Variants in IQCH observed in about 807,000 individuals in gnomAD.
The protein encoded by IQCH is IQ domain-containing protein H.
In IQCH, 98 loss-of-function variants were observed where a neutral mutation model predicts 117.0. The ratio of observed to expected loss-of-function variants is 0.84; its 90% confidence interval spans 0.71 to 0.99. IQCH has a LOEUF of 0.99. Ranked by LOEUF, IQCH falls within the 50% of genes least tolerant of loss-of-function variation. The probability of loss-of-function intolerance (pLI) is 0.00; values close to 1 mark genes in which losing one functional copy is unlikely to be tolerated. For synonymous variants in IQCH, 412 were observed against 448.2 expected, an observed-to-expected ratio of 0.92 and a Z score of 1.02; for missense variants, 1,102 against 1,243.8, an observed-to-expected ratio of 0.89 and a Z score of 1.72.
chr15:67,444,932 C>T (rs1221387671), intron 16 of IQCH, among the ~76,000 whole-genome samples: 1 of 152,178 alleles, frequency 6.6e-6, no homozygotes, highest in Non-Finnish European at 1.5e-5. Context: ...GACACAAAAG[C>T]CTGGGATTCT....
chr15:67,303,007 T>C (rs1019509482), intron 4 of IQCH, among the ~76,000 whole-genome samples: 3 of 152,232 alleles, frequency 2.0e-5, no homozygotes, highest in Non-Finnish European at 4.4e-5. Context: ...ACTTTGACCT[T>C]AGGCACAGAC....
In IQCH at chr15:67,385,490, G is replaced by A. The variant is rs1473916488; in HGVS notation, c.1456+471G>A. On this transcript the variant is annotated intron_variant, in intron 11 of 20. Coordinates refer to ENST00000335894, the MANE Select transcript of IQCH (RefSeq NM_001031715.3). The surrounding 1 kb of genome is among the most constrained non-coding windows in gnomAD (Gnocchi z 4.6). Reference sequence around the variant, plus strand: ...AAAGAAGCTTTTATTTAAATATAGAGCATCTTATTATTAGAAAACGTGAAG... The same window carrying A: ...AAAGAAGCTTTTATTTAAATATAGAACATCTTATTATTAGAAAACGTGAAG... Among the ~76,000 whole-genome samples the A allele has an allele frequency of 6.6e-6, 1 of 152,136 alleles. No individual in the cohort carries two copies. The highest frequency in any genetic ancestry group is 1.9e-4 in the East Asian group (1 of 5,200).
chr15:67,368,981 G>C (rs891791765), intron 8 of IQCH, among the ~76,000 whole-genome samples: 22 of 152,206 alleles, frequency 1.4e-4, no homozygotes, highest in African/African-American at 5.1e-4. Flanking sequence ...GAACTCCTGG[G>C]CTCAAGCAAT....
chr15:67,360,228 A>C, intron 8 of IQCH: 1 of 288,486 alleles, frequency 3.5e-6, no homozygotes, highest in Non-Finnish European at 6.5e-6. Flanking sequence ...AAGAAATAAA[A>C]TGTGAAAAAT....
intron 18 of IQCH, among the ~76,000 whole-genome samples, chr15:67,488,675 A>C (rs1184590960): frequency 6.6e-6 from 1 of 152,148 alleles, no homozygotes; most frequent in Non-Finnish European, 1.5e-5. Flanking sequence ...GGGTAGAGGG[A>C]GTATGGTTTC....
intron 4 of IQCH, among the ~76,000 whole-genome samples, chr15:67,316,112 G>A (rs898621262): frequency 3.9e-5 from 6 of 152,142 alleles, no homozygotes; most frequent in African/African-American, 1.4e-4. Context: ...ATATGAGCTT[G>A]CCTGGGGACC....
chr15:67,302,771 C>G (rs1047712765), intron 4 of IQCH, among the ~76,000 whole-genome samples: 11 of 152,140 alleles, frequency 7.2e-5, no homozygotes, highest in African/African-American at 2.4e-4. Flanking sequence ...GCAGGAGAAT[C>G]ACTTGAACCT....
Position 67,356,236 on chromosome 15 carries a change from G to C in IQCH, c.638-1109G>C, listed in dbSNP as rs1351507817. On this transcript the variant is annotated intron_variant, in intron 6 of 20. Transcript: ENST00000335894. This position sits in a 1 kb window ranked among gnomAD's most constrained non-coding sequence, Gnocchi z 5.3. ...GCAAAAACTATACCCTTAAAATGGG[G>C]TCTTCATACACTACTGGCCAGGGGA... 6.6e-6 allele frequency among the ~76,000 whole-genome samples: 1 copy of C among 152,110 alleles called. No individual in the cohort carries two copies. The highest frequency in any genetic ancestry group is 1.5e-5 in the Non-Finnish European group (1 of 68,026).
chr15:67,310,273 A>T (rs1967519713), intron 4 of IQCH, among the ~76,000 whole-genome samples: 1 of 152,030 alleles, frequency 6.6e-6, no homozygotes, highest in Non-Finnish European at 1.5e-5. Flanking sequence ...TGATCATTTG[A>T]TCGTCAGTGG....
At chr15:67,398,203 A>T (rs897962980) in intron 13 of IQCH, among the ~76,000 whole-genome samples, 1 of 152,156 alleles carries the variant, frequency 6.6e-6, no homozygotes, top group Non-Finnish European at 1.5e-5. Flanking sequence ...TTTTTAAAAA[A>T]TCTATGCCAG....
rs1315327560 is a variant in IQCH, at chr15:67,496,740, CG to C, written c.2970+2377del. Among the ~76,000 whole-genome samples the C allele has an allele frequency of 2.6e-5, 4 of 151,786 alleles. No homozygotes were observed. The highest frequency in any genetic ancestry group is 5.9e-5 in the Non-Finnish European group (4 of 67,950). On this transcript the variant is annotated intron_variant, in intron 20 of 20. Transcript: ENST00000335894. The surrounding 1 kb of genome is among the most constrained non-coding windows in gnomAD (Gnocchi z 4.4). ...AAGAAATAAAAGTAAAAGTATCGGCCGGGCACGGTGGCTCACGCCTGTAATC... is the reference window on the plus strand; with the variant it reads ...AAGAAATAAAAGTAAAAGTATCGGCCGGCACGGTGGCTCACGCCTGTAATC...
rs1481480331 is a variant in IQCH, at chr15:67,453,360, C to G, written c.2506-11767C>G. Among the ~76,000 whole-genome samples, 1 of 151,860 alleles carries G rather than the reference C, an allele frequency of 6.6e-6. No individual in the cohort carries two copies. The highest frequency in any genetic ancestry group is 1.5e-5 in the Non-Finnish European group (1 of 68,024). On this transcript the variant is annotated intron_variant, in intron 16 of 20. Transcript: ENST00000335894. The surrounding 1 kb of genome is among the most constrained non-coding windows in gnomAD (Gnocchi z 5.8). The stretch of plus-strand genomic sequence containing the variant: ...TTTTTTCCCATCTTTGTGGTTTTAT[C>G]TACCTTTGGTCTTTGATGATGGTGA...
At position 67,404,348 on chromosome 15, in the gene IQCH, A is replaced by G. The variant is rs1971794413; in HGVS notation, c.2097+4043A>G. 6.6e-6 allele frequency: 1 copy of G among 152,150 alleles called. No individual in the cohort carries two copies. The highest frequency in any genetic ancestry group is 6.5e-5 in the Admixed American group (1 of 15,276). The allele number at this position is 152,150 out of a possible 1,614,324, so 9.4% of individuals were successfully genotyped here. On this transcript the variant is annotated intron_variant, in intron 14 of 20. Coordinates refer to ENST00000335894, the MANE Select transcript of IQCH (RefSeq NM_001031715.3). The surrounding 1 kb of genome is among the most constrained non-coding windows in gnomAD (Gnocchi z 4.6). ...TAGAGCTCCCTGCATCTCCACCTCC[A>G]TTGTGAAGACCTCTGTCCATTCAGA... is the stretch of plus-strand genomic sequence containing the variant.
intron 8 of IQCH, among the ~76,000 whole-genome samples, chr15:67,363,446 A>G (rs983402955): frequency 6.6e-6 from 1 of 151,560 alleles, no homozygotes; most frequent in Admixed American, 6.6e-5. Context: ...GGGTTTCACC[A>G]TGTTGGTCAG....
chr15:67,470,727 A>G (rs183966315), intron 17 of IQCH, among the ~76,000 whole-genome samples: 1 of 152,356 alleles, frequency 6.6e-6, no homozygotes, highest in East Asian at 1.9e-4. Context: ...TGAAATACAT[A>G]ATATATTCAC....
chr15:67,500,680 CAAA>C lies in IQCH; in HGVS notation c.3020_3022del (p.Lys1007del). On this transcript the variant is annotated inframe_deletion, in exon 21 of 21. Transcript: ENST00000335894. This position sits in a 1 kb window ranked among gnomAD's most constrained non-coding sequence, Gnocchi z 4.4. Reference sequence around the variant, plus strand: ...CTATTCTAAGAGTAACAAAGGAAAACAAAATGAGATTTGAAGAGGAGCAACAGT... The same window carrying C: ...CTATTCTAAGAGTAACAAAGGAAAACATGAGATTTGAAGAGGAGCAACAGT... The C allele has an allele frequency of 6.2e-7, 1 of 1,604,186 alleles. No homozygotes were observed. The highest frequency in any genetic ancestry group is 1.7e-5 in the Admixed American group (1 of 59,028).
In IQCH at chr15:67,454,419, A is replaced by T. The variant is rs1567202700; in HGVS notation, c.2506-10708A>T. Among the ~76,000 whole-genome samples the T allele has an allele frequency of 6.6e-6, 1 of 152,228 alleles. No individual in the cohort carries two copies. The highest frequency in any genetic ancestry group is 1.5e-5 in the Non-Finnish European group (1 of 68,050). On this transcript the variant is annotated intron_variant, in intron 16 of 20. Transcript: ENST00000335894. This position sits in a 1 kb window ranked among gnomAD's most constrained non-coding sequence, Gnocchi z 5.2. ...TGATCCGCCCGCCTCGGCCTCCCAA[A>T]GTATTCAAAATTCACACTTTTAAAA...
rs980104409 is a variant in IQCH, at chr15:67,433,767, G to C, written c.2505+12190G>C. ...GCAGGAGGTAGGAAAAAAGGAAAAGGCTCCCTACTAATGCCAAGAAAGACC... is the reference window on the plus strand; with the variant it reads ...GCAGGAGGTAGGAAAAAAGGAAAAGCCTCCCTACTAATGCCAAGAAAGACC... On this transcript the variant is annotated intron_variant, in intron 16 of 20. Coordinates refer to ENST00000335894, the MANE Select transcript of IQCH (RefSeq NM_001031715.3). This position sits in a 1 kb window ranked among gnomAD's most constrained non-coding sequence, Gnocchi z 5.4. Among the ~76,000 whole-genome samples, 12 of 152,058 alleles carry C rather than the reference G, an allele frequency of 7.9e-5. No homozygotes were observed. Among genetic ancestry groups the C allele is most frequent in the South Asian group, 6.2e-4 (3 of 4,822 alleles).
rs2082708188 is a variant in IQCH at position 67,458,381 on chromosome 15, T to C, written c.2506-6746T>C. On this transcript the variant is annotated intron_variant, in intron 16 of 20. Transcript: ENST00000335894. This position sits in a 1 kb window ranked among gnomAD's most constrained non-coding sequence, Gnocchi z 4.1. Reference sequence around the variant, plus strand: ...TCCTTTTAGTTCTACTTTTGAAAAATATCTATAATACAACCACTTCTCCCA... The same window carrying C: ...TCCTTTTAGTTCTACTTTTGAAAAACATCTATAATACAACCACTTCTCCCA... Among the ~76,000 whole-genome samples the C allele has an allele frequency of 1.3e-5, 2 of 152,176 alleles. No individual in the cohort carries two copies. Among genetic ancestry groups the C allele is most frequent in the Admixed American group, 1.3e-4 (2 of 15,276 alleles).
Sources: allele counts gnomAD v4.1 joint callset (sites outside exome capture counted in the v4.1 genomes callset), GRCh38; gene constraint gnomAD v4.1.1; non-coding constraint Gnocchi (gnomAD v3.1); transcripts MANE v1.5; gene names NCBI Gene and HGNC (gene_info 2026-07-23, HGNC 2026-07-21).